The following ZFPM2 variants were observed in gnomAD, a reference collection of about 807,000 sequenced individuals.
The protein encoded by ZFPM2 is zinc finger protein, FOG family member 2.
In ZFPM2, 20 loss-of-function variants were observed where a neutral mutation model predicts 98.6. The observed-to-expected ratio is 0.20, with a 90% CI of 0.14 to 0.29. The LOEUF is 0.29. ZFPM2 is among the 10% of genes least tolerant of loss of function. The pLI, the probability that ZFPM2 is intolerant of heterozygous loss-of-function variation, is 1.00. For missense variants in ZFPM2, 1,310 were observed against 1,388.6 expected (o/e 0.94, Z 0.90); for synonymous variants, 518 against 502.7 (o/e 1.03, Z -0.41).
chr8:105,325,180 G>C, intron 1 of ZFPM2, among the ~76,000 whole-genome samples: 1 of 151,844 alleles, frequency 6.6e-6, no homozygotes, highest in East Asian at 1.9e-4. Flanking sequence ...GCAAAAGTCT[G>C]TTACTTCAGT....
chr8:105,427,172 T>C (rs2130122437), intron 2 of ZFPM2, among the ~76,000 whole-genome samples: 1 of 152,268 alleles, frequency 6.6e-6, no homozygotes, highest in East Asian at 1.9e-4. Context: ...GTAAACATAT[T>C]CTTGGTTTTG....
chr8:105,662,086 G>C (rs1452035429), intron 5 of ZFPM2, among the ~76,000 whole-genome samples: 2 of 152,090 alleles, frequency 1.3e-5, no homozygotes, highest in East Asian at 3.9e-4. Flanking sequence ...AGAAATAAAA[G>C]AATCCAACTG....
Position 105,794,559 on chromosome 8 carries a change from G to A in ZFPM2, c.740-4165G>A, listed in dbSNP as rs550207634. Among the ~76,000 whole-genome samples the A allele has an allele frequency of 4.3e-4, 65 of 152,286 alleles. No individual in the cohort carries two copies. The South Asian group carries it at 0.012, about 27-fold the overall frequency. On this transcript the variant is annotated intron_variant, in intron 6 of 7. Transcript: ENST00000407775. ...GGACCCACTTGAGGAGGCAGTCTGCGGGTTCTCAGATCTCCAGCTGCATGC... is the reference window on the plus strand; with the variant it reads ...GGACCCACTTGAGGAGGCAGTCTGCAGGTTCTCAGATCTCCAGCTGCATGC...
chr8:105,678,304 A>G (rs1429852451), intron 5 of ZFPM2, among the ~76,000 whole-genome samples: 1 of 152,186 alleles, frequency 6.6e-6, no homozygotes, highest in Non-Finnish European at 1.5e-5. Context: ...GTCACATGCA[A>G]TAGCACCTCT....
intron 4 of ZFPM2, among the ~76,000 whole-genome samples, chr8:105,602,774 A>G (rs1266886339): frequency 1.3e-5 from 2 of 152,108 alleles, no homozygotes; most frequent in East Asian, 1.9e-4. Flanking sequence ...TTTATGTAAT[A>G]TAATTTAGGC....
chr8:105,657,110 G>A (rs922054481), intron 5 of ZFPM2, among the ~76,000 whole-genome samples: 2 of 152,074 alleles, frequency 1.3e-5, no homozygotes, highest in Admixed American at 6.5e-5. Context: ...GAGATAAATT[G>A]ATAGCTTTCT....
At chr8:105,709,038 G>A (rs1811323227) in intron 5 of ZFPM2, among the ~76,000 whole-genome samples, 1 of 152,158 alleles carries the variant, frequency 6.6e-6, no homozygotes, top group South Asian at 2.1e-4. Context: ...TAAACATGGT[G>A]CTGACCAAAT....
At chr8:105,635,408 T>C (rs2130841717) in intron 5 of ZFPM2, among the ~76,000 whole-genome samples, 1 of 151,968 alleles carries the variant, frequency 6.6e-6, no homozygotes, top group East Asian at 1.9e-4. Context: ...GTCTCTTAAC[T>C]ACCATAAGCC....
chr8:105,655,445 G>C (rs1286018949), intron 5 of ZFPM2, among the ~76,000 whole-genome samples: 1 of 151,878 alleles, frequency 6.6e-6, no homozygotes, highest in African/African-American at 2.4e-5. Flanking sequence ...TGGTCAGACT[G>C]GTCTTGAACT....
chr8:105,723,476 G>A (rs2131000002), intron 5 of ZFPM2, among the ~76,000 whole-genome samples: 1 of 151,878 alleles, frequency 6.6e-6, no homozygotes, highest in African/African-American at 2.4e-5. Context: ...CAACAATTCT[G>A]GTGTTGAACT....
At chr8:105,360,629 C>T (rs1227512311) in intron 1 of ZFPM2, among the ~76,000 whole-genome samples, 5 of 133,522 alleles carry the variant, frequency 3.7e-5, no homozygotes, top group African/African-American at 5.5e-5. Flanking sequence ...CCCCCTCCCC[C>T]GACCCCACAA....
chr8:105,531,230 G>C (rs1420541909), intron 3 of ZFPM2, among the ~76,000 whole-genome samples: 1 of 152,102 alleles, frequency 6.6e-6, no homozygotes, highest in African/African-American at 2.4e-5. Flanking sequence ...GTAACAAAAT[G>C]GATGGCTAAA....
chr8:105,474,081 G>A (rs1316772782), intron 3 of ZFPM2, among the ~76,000 whole-genome samples: 1 of 152,190 alleles, frequency 6.6e-6, no homozygotes, highest in Non-Finnish European at 1.5e-5. Flanking sequence ...TGATATACTT[G>A]ATAGTCCATT....
rs1257571700 is a variant in ZFPM2, at chr8:105,552,426, G to A, written c.302-8937G>A. 3.9e-5 allele frequency among the ~76,000 whole-genome samples: 6 copies of A among 152,266 alleles called. No individual in the cohort carries two copies. The East Asian group carries it at 1.2e-3, about 29-fold the overall frequency. ...TAGTATCAGGTCAGCTGTGACACGG[G>A]ATGTTGTCTAGAAGGTCAGGGAAGG... On this transcript the variant is annotated intron_variant, in intron 3 of 7. Coordinates refer to ENST00000407775, the MANE Select transcript of ZFPM2 (RefSeq NM_012082.4).
At chr8:105,449,982 T>G (rs1192485673) in intron 3 of ZFPM2, among the ~76,000 whole-genome samples, 1 of 152,124 alleles carries the variant, frequency 6.6e-6, no homozygotes, top group Non-Finnish European at 1.5e-5. Flanking sequence ...AGTATTATAT[T>G]AAGTATGTTC....
intron 5 of ZFPM2, among the ~76,000 whole-genome samples, chr8:105,709,115 T>C (rs1375241004): frequency 6.6e-6 from 1 of 152,154 alleles, no homozygotes; most frequent in Non-Finnish European, 1.5e-5. Flanking sequence ...CTGATGTGCC[T>C]TTTGATAGTG....
rs1381890772 is a variant in ZFPM2 at position 105,773,670 on chromosome 8, AAAAATAAATAAAAAAGATAAATAAAAAT to A, written c.533-15034_533-15007del. On this transcript the variant is annotated intron_variant, in intron 5 of 7. Coordinates refer to ENST00000407775, the MANE Select transcript of ZFPM2 (RefSeq NM_012082.4). ...TTTAGAGAAAAAAGATAAATAAAAT[AAAAATAAATAAAAAAGATAAATAAAAAT>A]AAAATAAATAAAATAAACAAAACCC... Among the ~76,000 whole-genome samples the A allele has an allele frequency of 7.3e-5, 11 of 151,050 alleles. No homozygotes were observed. The East Asian group carries it at 2.1e-3, about 29-fold the overall frequency.
chr8:105,478,659 C>G (rs1026616390), intron 3 of ZFPM2, among the ~76,000 whole-genome samples: 1 of 152,140 alleles, frequency 6.6e-6, no homozygotes, highest in South Asian at 2.1e-4. Context: ...CTGGGAAGTA[C>G]CTTAGAGACA....
At chr8:105,425,252 C>T (rs1651936034) in intron 2 of ZFPM2, among the ~76,000 whole-genome samples, 1 of 152,024 alleles carries the variant, frequency 6.6e-6, no homozygotes. Context: ...TAAGACATGG[C>T]CACGACATAG....
Sources: gnomAD v4.1 joint callset for allele counts (sites outside exome capture counted in the v4.1 genomes callset) on GRCh38, gnomAD v4.1.1 for gene constraint, MANE v1.5 for transcripts, NCBI Gene and HGNC (gene_info 2026-07-23, HGNC 2026-07-21) for gene names.